The following TESK2 variants were observed in gnomAD, a reference collection of about 807,000 sequenced individuals.
TESK2 encodes dual specificity testis-specific protein kinase 2.
A neutral mutation model predicts 57.1 loss-of-function variants in TESK2; 39 were observed. That is an observed-to-expected ratio of 0.68 (90% CI 0.53 to 0.89). The LOEUF (loss-of-function observed/expected upper bound fraction) is 0.89, where lower values mean the gene tolerates loss of function less well. Ranked by LOEUF, TESK2 falls within the 40% of genes least tolerant of loss-of-function variation. TESK2 has a pLI of 0.00. For synonymous variants in TESK2, 249 were observed against 267.9 expected, an observed-to-expected ratio of 0.93 and a Z score of 0.69; for missense variants, 646 against 732.1, an observed-to-expected ratio of 0.88 and a Z score of 1.36.
chr1:45,482,513 C>T (rs1436113598), intron 1 of TESK2, among the ~76,000 whole-genome samples: 2 of 151,232 alleles, frequency 1.3e-5, no homozygotes, highest in Admixed American at 6.6e-5. Context: ...GGGCAACTGC[C>T]CCTGTCTCAA....
At position 45,377,273 on chromosome 1, in the gene TESK2, T is replaced by C. The variant is rs569087926; in HGVS notation, c.393+8639A>G. Among the ~76,000 whole-genome samples the C allele has an allele frequency of 8.6e-5, 13 of 151,676 alleles. 1 individual carries two copies. The South Asian group carries it at 2.5e-3, about 29-fold the overall frequency. On this transcript the variant is annotated intron_variant, in intron 4 of 10. Transcript: ENST00000372086. ...GGAATTGAGGCATGAAATAATATTA[T>C]GGCTTTGGAATGAAGAGAAAGAAAA...
At chr1:45,402,176 G>A (rs1332847712) in intron 3 of TESK2, among the ~76,000 whole-genome samples, 1 of 150,856 alleles carries the variant, frequency 6.6e-6, no homozygotes, top group Admixed American at 6.6e-5. Context: ...GACCACTTGA[G>A]GCCAGGAGTT....
At chr1:45,436,652 C>T (rs565551089) in intron 2 of TESK2, among the ~76,000 whole-genome samples, 5 of 151,166 alleles carry the variant, frequency 3.3e-5, no homozygotes, top group African/African-American at 1.2e-4. Flanking sequence ...CCACACACAG[C>T]TAATTTTGTA....
At chr1:45,392,894 TCA>T (rs1213014975) in intron 3 of TESK2, among the ~76,000 whole-genome samples, 1 of 152,126 alleles carries the variant, frequency 6.6e-6, no homozygotes, top group Admixed American at 6.5e-5. Flanking sequence ...ATACAATGTC[TCA>T]CACAAAATGT....
chr1:45,386,045 A>G (rs1325023118), intron 3 of TESK2, 85 bp from the exon 4 acceptor site: 2 of 1,031,696 alleles, frequency 1.9e-6, no homozygotes, highest in South Asian at 1.4e-5. Flanking sequence ...TTACCCATGC[A>G]TTAGAAACAA....
At chr1:45,363,373 G>C (rs571649239) in intron 4 of TESK2, among the ~76,000 whole-genome samples, 17 of 152,120 alleles carry the variant, frequency 1.1e-4, no homozygotes, top group African/African-American at 4.1e-4. Flanking sequence ...CCACAATATA[G>C]CCAAGACAAT....
intron 2 of TESK2, among the ~76,000 whole-genome samples, chr1:45,428,248 C>T (rs1199466238): frequency 6.6e-6 from 1 of 151,080 alleles, no homozygotes; most frequent in African/African-American, 2.4e-5. Flanking sequence ...AACTGAGGCA[C>T]AGAGAAATTA....
intron 1 of TESK2, among the ~76,000 whole-genome samples, chr1:45,485,018 G>A (rs1026787329): frequency 2.0e-5 from 3 of 151,436 alleles, no homozygotes; most frequent in African/African-American, 4.8e-5. Context: ...GCAACAGAGC[G>A]AGACTCCGTC....
rs2149261701 is a variant in TESK2, at chr1:45,345,045, A to G, written c.1511T>C (p.Leu504Pro). 1.2e-6 allele frequency: 2 copies of G among 1,614,236 alleles called. No homozygotes were observed. The highest frequency in any genetic ancestry group is 4.5e-5 in the East Asian group (2 of 44,878). ...KEIPPFRASA[L>P]PAAQAHEAMD... ...AGCCTCATGGGCTTGAGCAGCTGGT[A>G]GGGCAGATGCCCGGAATGGTGGGAT... The change falls in exon 11 of 11, where the codon CTA becomes CCA. Residue 504 changes from leucine (L) to proline (P), a missense_variant. Coordinates refer to ENST00000372086, the MANE Select transcript of TESK2 (RefSeq NM_007170.3).
At chr1:45,351,386 T>C (rs1245787183) in intron 5 of TESK2, among the ~76,000 whole-genome samples, 1 of 152,220 alleles carries the variant, frequency 6.6e-6, no homozygotes, top group African/African-American at 2.4e-5. Flanking sequence ...AATTACAAAA[T>C]TAGACTGAAT....
Position 45,345,162 on chromosome 1 carries a change from T to TG in TESK2, c.1393dup (p.His465ProfsTer16). ...GCCCACAAATGGACAAGCCTCTTGA[T>TG]GCAAGAACTCAGGCGAACCAGGCAA... On this transcript the variant is annotated frameshift_variant, in exon 11 of 11. Coordinates refer to ENST00000372086, the MANE Select transcript of TESK2 (RefSeq NM_007170.3). LOFTEE classifies it high-confidence loss of function. 1 of 1,614,184 alleles carries TG rather than the reference T, an allele frequency of 6.2e-7. No individual in the cohort carries two copies. Among genetic ancestry groups the TG allele is most frequent in the East Asian group, 2.2e-5 (1 of 44,886 alleles).
intron 2 of TESK2, among the ~76,000 whole-genome samples, chr1:45,451,635 G>A (rs1373300852): frequency 6.6e-6 from 1 of 152,182 alleles, no homozygotes; most frequent in Non-Finnish European, 1.5e-5. Flanking sequence ...ACATGAACCA[G>A]AGATATCACT....
At chr1:45,387,862 C>T (rs774704202) in intron 3 of TESK2, among the ~76,000 whole-genome samples, 40 of 152,100 alleles carry the variant, frequency 2.6e-4, no homozygotes, top group Non-Finnish European at 5.0e-4. Context: ...CAAAAGTTAG[C>T]TGGGCATGGT....
At chr1:45,489,005 A>G (rs1383985387) in intron 1 of TESK2, among the ~76,000 whole-genome samples, 1 of 152,088 alleles carries the variant, frequency 6.6e-6, no homozygotes, top group East Asian at 1.9e-4. Flanking sequence ...TCTACAAAAA[A>G]TACAAAAAAT....
At position 45,378,017 on chromosome 1, in the gene TESK2, C is replaced by A. The variant is rs147021067; in HGVS notation, c.393+7895G>T. 4.1e-4 allele frequency among the ~76,000 whole-genome samples: 63 copies of A among 151,870 alleles called. 1 individual carries two copies. The East Asian group carries it at 0.012, about 29-fold the overall frequency. On this transcript the variant is annotated intron_variant, in intron 4 of 10. Coordinates refer to ENST00000372086, the MANE Select transcript of TESK2 (RefSeq NM_007170.3). ...CTCCAGCCTGGGTGACAGAGCAAGA[C>A]TCCATCTCAAAAAATAAAGAAATGA...
At chr1:45,374,733 G>T (rs1266125769) in intron 4 of TESK2, among the ~76,000 whole-genome samples, 1 of 152,140 alleles carries the variant, frequency 6.6e-6, no homozygotes, top group East Asian at 1.9e-4. Flanking sequence ...ACTCTATGAA[G>T]ATATCTCAAC....
At chr1:45,466,750 T>C (rs547009700) in intron 1 of TESK2, among the ~76,000 whole-genome samples, 19 of 150,892 alleles carry the variant, frequency 1.3e-4, no homozygotes, top group Admixed American at 9.2e-4. Context: ...ACAATCTGGG[T>C]TCAAATCCTT....
intron 1 of TESK2, among the ~76,000 whole-genome samples, chr1:45,480,653 G>A (rs529083825): frequency 5.1e-4 from 77 of 151,190 alleles, no homozygotes; most frequent in African/African-American, 1.8e-3. Context: ...TACTATGCAG[G>A]TGATTAAAAA....
intron 4 of TESK2, among the ~76,000 whole-genome samples, chr1:45,370,648 CA>C (rs1287879142): frequency 6.6e-6 from 1 of 152,096 alleles, no homozygotes; most frequent in South Asian, 2.1e-4. Context: ...TTGGTTGGGC[CA>C]GGGGGGATGA....
Sources: allele counts gnomAD v4.1 joint callset (sites outside exome capture counted in the v4.1 genomes callset), GRCh38; gene constraint gnomAD v4.1.1; transcripts MANE v1.5; gene names NCBI Gene and HGNC (gene_info 2026-07-23, HGNC 2026-07-21).